EDA: variants seen among roughly 807,000 people sequenced by gnomAD.
The protein encoded by EDA is ectodysplasin-A.
EDA carries 2 observed loss-of-function variants against 23.6 expected under a neutral mutation model. That is an observed-to-expected ratio of 0.08 (90% CI 0.03 to 0.27). The LOEUF (loss-of-function observed/expected upper bound fraction) is 0.27, where lower values mean the gene tolerates loss of function less well. Among genes scored for constraint, EDA ranks in the 10% least tolerant of loss-of-function variants. The pLI is 1.00. For synonymous variants in EDA, 131 were observed against 132.0 expected (o/e 0.99, Z 0.05); for missense variants, 229 against 324.2 (o/e 0.71, Z 2.26).
chrX:69,865,759 CA>C (rs377615943), intron 1 of EDA, among the ~76,000 whole-genome samples: 244 of 111,854 alleles, frequency 2.2e-3, no homozygotes, highest in African/African-American at 7.4e-3. Flanking sequence ...CAAATAAAGA[CA>C]ATGAGGTCAT....
At chrX:69,821,682 T>C (rs1012461249) in intron 1 of EDA, among the ~76,000 whole-genome samples, 2 of 112,147 alleles carry the variant, frequency 1.8e-5, no homozygotes, top group Admixed American at 1.9e-4. Context: ...AGATAAAGAA[T>C]ACAGATGTAA....
chrX:69,845,316 A>C (rs976736516), intron 1 of EDA, among the ~76,000 whole-genome samples: 1 of 112,072 alleles, frequency 8.9e-6, no homozygotes, highest in African/African-American at 3.2e-5. Context: ...TTTTTCATAT[A>C]TTTGGCTAAT....
At chrX:69,636,650 G>C (rs1476723791) in intron 1 of EDA, among the ~76,000 whole-genome samples, 1 of 80,026 alleles carries the variant, frequency 1.2e-5, no homozygotes, top group Admixed American at 1.4e-4. Flanking sequence ...TTTTTTTTTT[G>C]ATGCTCAAAC....
intron 1 of EDA, among the ~76,000 whole-genome samples, chrX:69,900,306 T>G (rs1342595501): frequency 1.8e-5 from 2 of 108,650 alleles, no homozygotes; most frequent in Non-Finnish European, 3.8e-5. Flanking sequence ...TGCCTCAGTT[T>G]TATCATAAAT....
chrX:69,753,206 G>C (rs1228017774), intron 1 of EDA, among the ~76,000 whole-genome samples: 1 of 111,415 alleles, frequency 9.0e-6, no homozygotes, highest in African/African-American at 3.3e-5. Context: ...TTTCTCCTGT[G>C]GTCATTTAGT....
At position 69,792,994 on chromosome X, in the gene EDA, G is replaced by A. The variant is rs775805916; in HGVS notation, c.397-164033G>A. On this transcript the variant is annotated intron_variant, in intron 1 of 7. Coordinates refer to ENST00000374552, the MANE Select transcript of EDA (RefSeq NM_001399.5). ...AATTAGGTCCCATCTATTTAGTTTTGTTTTTGTTGCATTTGCTTTTGTAGT... is the reference window on the plus strand; with the variant it reads ...AATTAGGTCCCATCTATTTAGTTTTATTTTTGTTGCATTTGCTTTTGTAGT... Among the ~76,000 whole-genome samples the A allele has an allele frequency of 8.0e-5, 9 of 111,940 alleles. No individual in the cohort carries two copies. The South Asian group carries it at 3.3e-3, about 41-fold the overall frequency.
intron 1 of EDA, among the ~76,000 whole-genome samples, chrX:69,647,323 G>A (rs1932954505): frequency 9.0e-6 from 1 of 111,301 alleles, no homozygotes; most frequent in South Asian, 3.8e-4. Context: ...TCTCTTTTAG[G>A]TTCCCCAGTC....
intron 1 of EDA, among the ~76,000 whole-genome samples, chrX:69,923,708 A>G (rs1325268048): frequency 9.0e-6 from 1 of 111,412 alleles, no homozygotes; most frequent in African/African-American, 3.3e-5. Flanking sequence ...TGTTGGGTCA[A>G]ATGGTATTTT....
intron 1 of EDA, among the ~76,000 whole-genome samples, chrX:69,906,533 T>A (rs2018178754): frequency 8.9e-6 from 1 of 112,627 alleles, no homozygotes; most frequent in South Asian, 3.6e-4. Context: ...GGTATCACAC[T>A]GACACATCTG....
At chrX:69,825,680 T>C (rs1305478772) in intron 1 of EDA, among the ~76,000 whole-genome samples, 1 of 113,135 alleles carries the variant, frequency 8.8e-6, no homozygotes. Flanking sequence ...TTGAAGGGTT[T>C]TTTGTGTCTC....
rs748338171 is a variant in EDA, at chrX:69,740,272, A to T, written c.396+123568A>T. On this transcript the variant is annotated intron_variant, in intron 1 of 7. Coordinates refer to ENST00000374552, the MANE Select transcript of EDA (RefSeq NM_001399.5). ...CTATGGGATCAAATTACCACCAAGG[A>T]TTAGGCTTTTTTAGCCTGAAGAGTT... 2.7e-5 allele frequency among the ~76,000 whole-genome samples: 3 copies of T among 111,675 alleles called. No individual in the cohort carries two copies. In the South Asian group the frequency reaches 1.1e-3, roughly 42 times the overall value.
chrX:69,847,540 A>G (rs1244144664), intron 1 of EDA, among the ~76,000 whole-genome samples: 1 of 111,669 alleles, frequency 9.0e-6, no homozygotes, highest in Non-Finnish European at 1.9e-5. Context: ...AAATATATGT[A>G]AGTGCATATA....
At chrX:69,983,967 C>T (rs1414797608) in intron 2 of EDA, among the ~76,000 whole-genome samples, 1 of 103,323 alleles carries the variant, frequency 9.7e-6, no homozygotes, top group Non-Finnish European at 2.0e-5. Context: ...TTAAGAATCT[C>T]ACTCAAAGCC....
chrX:69,676,638 G>C (rs1222370919), intron 1 of EDA, among the ~76,000 whole-genome samples: 4 of 110,495 alleles, frequency 3.6e-5, no homozygotes, highest in Non-Finnish European at 5.7e-5. Flanking sequence ...TAAATGTTCA[G>C]TGGTGAATCA....
intron 2 of EDA, among the ~76,000 whole-genome samples, chrX:69,989,132 CA>C (rs1372409766): frequency 9.0e-6 from 1 of 111,725 alleles, no homozygotes; most frequent in Admixed American, 9.5e-5. Context: ...AGCTAATTGG[CA>C]ATCCGCTTCT....
chrX:69,656,714 A>G lies in EDA; in HGVS notation c.396+40010A>G, dbSNP rs140085535. ...CCATCTTTAGTTCCATGTGTACCCA[A>G]TGTTTCACTGTCACTACAAGTGAGA... On this transcript the variant is annotated intron_variant, in intron 1 of 7. Transcript: ENST00000374552. Among the ~76,000 whole-genome samples, 815 of 111,319 alleles carry G rather than the reference A, an allele frequency of 7.3e-3. 4 individuals are homozygous for G. The highest frequency in any genetic ancestry group is 0.013 in the Non-Finnish European group (692 of 53,092).
intron 1 of EDA, among the ~76,000 whole-genome samples, chrX:69,668,465 G>A (rs1284699777): frequency 3.6e-5 from 4 of 111,888 alleles, no homozygotes; most frequent in Non-Finnish European, 3.8e-5. Flanking sequence ...TTATACATTT[G>A]TTAGGCCCAT....
At chrX:69,882,154 G>A (rs2017757658) in intron 1 of EDA, among the ~76,000 whole-genome samples, 1 of 111,546 alleles carries the variant, frequency 9.0e-6, no homozygotes, top group Non-Finnish European at 1.9e-5. Context: ...AAAAAAACTA[G>A]CCTTAATATT....
intron 1 of EDA, among the ~76,000 whole-genome samples, chrX:69,900,092 A>C (rs2018076305): frequency 9.0e-6 from 1 of 111,322 alleles, no homozygotes; most frequent in Non-Finnish European, 1.9e-5. Flanking sequence ...TGTTTGGAAC[A>C]GTGACTTGAG....
Sources: allele counts gnomAD v4.1 joint callset (sites outside exome capture counted in the v4.1 genomes callset), GRCh38; gene constraint gnomAD v4.1.1; transcripts MANE v1.5; gene names NCBI Gene and HGNC (gene_info 2026-07-23, HGNC 2026-07-21).